Variants in VPS13B observed in about 807,000 individuals in gnomAD.
VPS13B encodes intermembrane lipid transfer protein VPS13B.
Under a neutral mutation model 426.4 loss-of-function variants are expected in VPS13B, and 285 were observed. The ratio of observed to expected loss-of-function variants is 0.67; its 90% confidence interval spans 0.61 to 0.74. The LOEUF (loss-of-function observed/expected upper bound fraction) is 0.74. VPS13B is among the 30% of genes least tolerant of loss of function. VPS13B has a pLI of 0.00. For synonymous variants in VPS13B, 1,676 were observed against 1,676.4 expected (o/e 1.00, Z 0.01); for missense variants, 4,537 against 4,782.6 (o/e 0.95, Z 1.51).
intron 24 of VPS13B, among the ~76,000 whole-genome samples, chr8:99,471,073 G>T (rs191894743): frequency 1.3e-5 from 2 of 152,044 alleles, no homozygotes; most frequent in Admixed American, 1.3e-4. Context: ...AAATGAAAGA[G>T]AAATAAACCC....
chr8:99,066,242 C>T (rs1844501213), intron 3 of VPS13B, among the ~76,000 whole-genome samples: 2 of 152,256 alleles, frequency 1.3e-5, no homozygotes, highest in Non-Finnish European at 1.5e-5. Flanking sequence ...CGCTACCTGA[C>T]TTCCAACTAT....
chr8:99,838,888 T>G (rs184431783), intron 54 of VPS13B, among the ~76,000 whole-genome samples: 356 of 152,298 alleles, frequency 2.3e-3, no homozygotes, highest in African/African-American at 8.1e-3. Flanking sequence ...TGTTTGAAGC[T>G]TCAGTGTTCA....
At chr8:99,375,254 CCTA>C (rs1372990414) in intron 19 of VPS13B, among the ~76,000 whole-genome samples, 2 of 152,194 alleles carry the variant, frequency 1.3e-5, no homozygotes, top group African/African-American at 4.8e-5. Flanking sequence ...TTCTCCTTAT[CCTA>C]CTCTGCCAAG....
At chr8:99,095,398 CCCA>C (rs1191653866) in intron 3 of VPS13B, among the ~76,000 whole-genome samples, 18 of 152,260 alleles carry the variant, frequency 1.2e-4, no homozygotes, top group African/African-American at 3.6e-4. Flanking sequence ...TATGGTTCCT[CCCA>C]CCACCCCTCA....
chr8:99,159,891 T>C (rs1476561197), intron 15 of VPS13B, among the ~76,000 whole-genome samples: 1 of 152,126 alleles, frequency 6.6e-6, no homozygotes, highest in Non-Finnish European at 1.5e-5. Flanking sequence ...ATTCCTGAGC[T>C]CAAGCTATCT....
chr8:99,726,609 T>A (rs904086299), intron 39 of VPS13B, among the ~76,000 whole-genome samples: 1 of 152,156 alleles, frequency 6.6e-6, no homozygotes, highest in African/African-American at 2.4e-5. Flanking sequence ...TGGCAACATA[T>A]AAATGAAAAT....
intron 57 of VPS13B, among the ~76,000 whole-genome samples, chr8:99,860,845 C>T (rs766275048): frequency 3.9e-5 from 6 of 152,328 alleles, no homozygotes; most frequent in East Asian, 1.9e-4. Context: ...GACAGATTCA[C>T]GGCTCTCACA....
At chr8:99,479,536 C>T (rs1271222100) in intron 24 of VPS13B, among the ~76,000 whole-genome samples, 2 of 152,174 alleles carry the variant, frequency 1.3e-5, no homozygotes, top group African/African-American at 4.8e-5. Context: ...CATACATACA[C>T]ACATGAAACT....
In VPS13B at chr8:99,446,162, G is replaced by T. The variant is rs147010204; in HGVS notation, c.3445+3527G>T. On this transcript the variant is annotated intron_variant, in intron 23 of 61. Transcript: ENST00000357162. The stretch of plus-strand genomic sequence containing the variant: ...CTTCTTTCTCAGTTCATTTACTTCT[G>T]CCTAAAGTACATCCTTTAGAAGCTG... Among the ~76,000 whole-genome samples the T allele has an allele frequency of 3.9e-3, 599 of 152,148 alleles. 3 individuals are homozygous for T. The highest frequency in any genetic ancestry group is 6.2e-3 in the Non-Finnish European group (424 of 67,980).
chr8:99,696,627 A>T, intron 35 of VPS13B: 1 of 679,932 alleles, frequency 1.5e-6, no homozygotes, highest in Non-Finnish European at 2.8e-6. Context: ...GCTTCGGGTC[A>T]ACCTGGAGCT....
chr8:99,292,776 G>A (rs1819805236), intron 19 of VPS13B, among the ~76,000 whole-genome samples: 2 of 151,984 alleles, frequency 1.3e-5, no homozygotes, highest in Non-Finnish European at 2.9e-5. Context: ...CAGTTCTTGG[G>A]TAAATTTTAT....
chr8:99,660,900 G>A (rs747926963), intron 34 of VPS13B, among the ~76,000 whole-genome samples: 7 of 152,092 alleles, frequency 4.6e-5, no homozygotes, highest in Admixed American at 4.6e-4. Context: ...TGTAATGTCA[G>A]TAAAACTCTT....
chr8:99,072,019 C>A (rs1463874645), intron 3 of VPS13B, among the ~76,000 whole-genome samples: 1 of 151,968 alleles, frequency 6.6e-6, no homozygotes, highest in African/African-American at 2.4e-5. Context: ...CATCCAGAAG[C>A]CAGGGTCTGG....
intron 30 of VPS13B, among the ~76,000 whole-genome samples, chr8:99,540,056 TATA>T (rs1823520185): frequency 8.9e-4 from 5 of 5,606 alleles, no homozygotes; most frequent in Non-Finnish European, 1.5e-3. Flanking sequence ...TATATATATA[TATA>T]TATATTTTTT....
chr8:99,853,518 C>T lies in VPS13B; in HGVS notation c.10129C>T (p.Leu3377Phe), dbSNP rs535553836. The T allele has an allele frequency of 2.7e-5, 44 of 1,614,154 alleles. 2 individuals are homozygous for T. The South Asian group carries it at 4.5e-4, about 17-fold the overall frequency. The change falls in exon 56 of 62, where the codon CTC becomes TTC. Residue 3377 changes from leucine (L) to phenylalanine (F), a missense_variant. Coordinates refer to ENST00000357162, the MANE Select transcript of VPS13B (RefSeq NM_152564.5). The stretch of plus-strand genomic sequence containing the variant: ...GTTAAGCCTGGCAGTGTTTGATGAC[C>T]TCACCCACCACAAAGCATCAGCTGA... Reference protein sequence around the residue: ...TQLSLAVFDDLTHHKASAELL... With the variant: ...TQLSLAVFDDFTHHKASAELL...
At chr8:99,603,346 A>G (rs565348937) in intron 33 of VPS13B, among the ~76,000 whole-genome samples, 24 of 152,298 alleles carry the variant, frequency 1.6e-4, no homozygotes, top group Admixed American at 1.2e-3. Context: ...TGTTTATCCT[A>G]TGTTTTTCCT....
Position 99,043,371 on chromosome 8 carries a change from A to G in VPS13B, c.291+4805A>G, listed in dbSNP as rs141988193. ...TAATCAGTCTCTATTAATTGATTTTAAAAATCAATTAGTTAGAATTTGAGA... is the reference window on the plus strand; with the variant it reads ...TAATCAGTCTCTATTAATTGATTTTGAAAATCAATTAGTTAGAATTTGAGA... On this transcript the variant is annotated intron_variant, in intron 3 of 61. Transcript: ENST00000357162. Among the ~76,000 whole-genome samples, 437 of 152,264 alleles carry G rather than the reference A, an allele frequency of 2.9e-3. 3 individuals carry two copies. The highest frequency in any genetic ancestry group is 0.01 in the African/African-American group (417 of 41,552).
At position 99,461,113 on chromosome 8, in the gene VPS13B, T is replaced by C. The variant is rs187682112; in HGVS notation, c.3446-6301T>C. ...CCTTATTTGGCCATAACTGCAAGTC[T>C]AACCCAAATCCTCTTCTTTTCTCAA... On this transcript the variant is annotated intron_variant, in intron 23 of 61. Coordinates refer to ENST00000357162, the MANE Select transcript of VPS13B (RefSeq NM_152564.5). 1.7e-4 allele frequency among the ~76,000 whole-genome samples: 26 copies of C among 152,318 alleles called. No individual in the cohort carries two copies. In the East Asian group the frequency reaches 4.0e-3, roughly 24 times the overall value.
chr8:99,646,670 G>C (rs1181829330), intron 34 of VPS13B, among the ~76,000 whole-genome samples: 1 of 152,158 alleles, frequency 6.6e-6, no homozygotes, highest in East Asian at 1.9e-4. Flanking sequence ...TCTCAGTGTT[G>C]AAGGTAAGGC....
Sources: allele counts gnomAD v4.1 joint callset (sites outside exome capture counted in the v4.1 genomes callset), GRCh38; gene constraint gnomAD v4.1.1; transcripts MANE v1.5; gene names NCBI Gene and HGNC (gene_info 2026-07-23, HGNC 2026-07-21).